ARPC1B: variants seen among roughly 807,000 people sequenced by gnomAD.
The protein encoded by ARPC1B is actin related protein 2/3 complex subunit 1B.
In ARPC1B, 29 loss-of-function variants were observed where a neutral mutation model predicts 46.0. The observed-to-expected ratio is 0.63, with a 90% CI of 0.47 to 0.86. The LOEUF is 0.86. Ranked by LOEUF, ARPC1B falls within the 40% of genes least tolerant of loss-of-function variation. ARPC1B has a pLI of 0.00. For synonymous variants in ARPC1B, 201 were observed against 213.9 expected (o/e 0.94, Z 0.53); for missense variants, 469 against 529.4 (o/e 0.89, Z 1.12).
intron 4 of ARPC1B, chr7:99,388,594 A>C (rs1584408004): frequency 4.3e-6 from 1 of 234,248 alleles, no homozygotes; most frequent in African/African-American, 2.2e-5. Flanking sequence ...TGTAGCAGTC[A>C]CTTTCTCAAG....
intron 1 of ARPC1B, among the ~76,000 whole-genome samples, chr7:99,380,042 C>T (rs543209021): frequency 6.6e-6 from 1 of 152,200 alleles, no homozygotes; most frequent in Admixed American, 6.5e-5. Context: ...ATCCCTCCCC[C>T]AGGAGCCATC....
rs769523636 is a variant in ARPC1B, at chr7:99,390,889, G to A, written c.501-4G>A. 1.3e-6 allele frequency: 2 copies of A among 1,599,570 alleles called. No homozygotes were observed. The highest frequency in any genetic ancestry group is 1.7e-6 in the Non-Finnish European group (2 of 1,169,920). Reference sequence around the variant, plus strand: ...CTTTACCTCTACTTTGCCTATCCCGGTAGGATCTTTTCAGCCTACATCAAG... The same window carrying A: ...CTTTACCTCTACTTTGCCTATCCCGATAGGATCTTTTCAGCCTACATCAAG... On this transcript the variant is annotated splice_region_variant and splice_polypyrimidine_tract_variant and intron_variant, in intron 5 of 9. Coordinates refer to ENST00000646101, the MANE Select transcript of ARPC1B (RefSeq NM_005720.4).
intron 2 of ARPC1B, among the ~76,000 whole-genome samples, chr7:99,386,143 C>T (rs1794383875): frequency 3.3e-5 from 5 of 151,280 alleles, no homozygotes; most frequent in African/African-American, 1.2e-4. Context: ...CCCAGCTACT[C>T]GGGGGGCTGA....
chr7:99,378,486 C>T (rs1006059063), intron 1 of ARPC1B, among the ~76,000 whole-genome samples: 3 of 151,698 alleles, frequency 2.0e-5, no homozygotes, highest in Non-Finnish European at 1.5e-5. Flanking sequence ...CGAGACCAGC[C>T]TGTCCAACAT....
At chr7:99,386,903 C>G in intron 3 of ARPC1B, 114 bp downstream of exon 3, 1 of 797,468 alleles carries the variant, frequency 1.3e-6, no homozygotes, top group Non-Finnish European at 2.1e-6. Flanking sequence ...ACCGTGAAAC[C>G]CGGATTCAAA....
intron 5 of ARPC1B, among the ~76,000 whole-genome samples, chr7:99,390,366 A>G (rs923078244): frequency 2.0e-4 from 30 of 150,074 alleles, no homozygotes; most frequent in African/African-American, 6.1e-4. Context: ...CCAGCTAGAC[A>G]GGATTTTTTT....
chr7:99,388,268 A>C lies in ARPC1B; in HGVS notation c.392+7A>C. On this transcript the variant is annotated splice_region_variant and intron_variant, in intron 4 of 9. Coordinates refer to ENST00000646101, the MANE Select transcript of ARPC1B (RefSeq NM_005720.4). ...TCGAGCAGGAGAATGACTGGTGGGT[A>C]CCTAGGCAGGGCCAGAGTGGGCTGT... 1 of 1,613,220 alleles carries C rather than the reference A, an allele frequency of 6.2e-7. No homozygotes were observed.
At chr7:99,387,941 C>T in intron 3 of ARPC1B, 98 bp from the exon 4 acceptor site, 1 of 787,730 alleles carries the variant, frequency 1.3e-6, no homozygotes, top group Non-Finnish European at 2.2e-6. Flanking sequence ...ACAGCTTCCA[C>T]CTGGATGGTG....
intron 2 of ARPC1B, 122 bp downstream of exon 2, chr7:99,385,900 C>T (rs1320038203): frequency 5.9e-6 from 6 of 1,020,212 alleles, no homozygotes; most frequent in Admixed American, 2.2e-5. Flanking sequence ...ATGTGGCTGT[C>T]CCCTGGCCTC....
rs2150894089 is a variant in ARPC1B, at chr7:99,388,165, C to T, written c.296C>T (p.Ala99Val). ...GTCATCCTGCGGATCAACCGGGCTG[C>T]CCGCTGCGTGCGCTGGGCCCCCAAC... is the stretch of plus-strand genomic sequence containing the variant. ...TLVILRINRA[A>V]RCVRWAPNEN... The change falls in exon 4 of 10, where the codon GCC becomes GTC. Residue 99 changes from alanine (A) to valine (V), a missense_variant. Ala to Val is a moderately conservative substitution (Grantham distance 64). Coordinates refer to ENST00000646101, the MANE Select transcript of ARPC1B (RefSeq NM_005720.4). 2 of 1,614,228 alleles carry T rather than the reference C, an allele frequency of 1.2e-6. No homozygotes were observed. Among genetic ancestry groups the T allele is most frequent in the Non-Finnish European group, 1.7e-6 (2 of 1,180,030 alleles).
At chr7:99,393,652 T>G (rs752050736) in intron 8 of ARPC1B, among the ~76,000 whole-genome samples, 9 of 152,296 alleles carry the variant, frequency 5.9e-5, no homozygotes, top group Non-Finnish European at 1.2e-4. Context: ...CCCTTCGGTC[T>G]GTAAAACCTC....
chr7:99,382,208 C>T (rs1396418006), intron 1 of ARPC1B, among the ~76,000 whole-genome samples: 2 of 151,982 alleles, frequency 1.3e-5, no homozygotes, highest in African/African-American at 2.4e-5. Context: ...GAGGCCGAGG[C>T]GGGCGGATCA....
chr7:99,380,613 GCTCTTCAAGTC>G (rs556066036), intron 1 of ARPC1B, among the ~76,000 whole-genome samples: 59 of 152,288 alleles, frequency 3.9e-4, no homozygotes, highest in African/African-American at 1.4e-3. Context: ...AGTGGTCAGG[GCTCTTCAAGTC>G]CTCTCGGTTG....
intron 2 of ARPC1B, chr7:99,386,472 G>A (rs1280674179): frequency 4.6e-6 from 3 of 647,344 alleles, no homozygotes; most frequent in Non-Finnish European, 8.6e-6. Context: ...GAGGTCCCAG[G>A]GTTCATTGCT....
intron 7 of ARPC1B, 147 bp from the exon 8 acceptor site, chr7:99,392,524 C>G: frequency 2.8e-6 from 2 of 704,652 alleles, no homozygotes; most frequent in Admixed American, 3.3e-5. Flanking sequence ...GGTTTTGATA[C>G]ACCTGCAATT....
rs1232771702 is a variant in ARPC1B, at chr7:99,389,991, G to C, written c.479G>C (p.Gly160Ala). ...WHPNNVLLAA[G>A]SCDFKCRIFS... ...CCCAACAATGTGCTGCTGGCTGCCG[G>C]CTCCTGTGACTTCAAGTGTCGGTGA... Residue 160 changes from glycine (G) to alanine (A), a missense_variant, in exon 5 of 10, where the codon GGC becomes GCC. By Grantham distance (60) the Gly-to-Ala change is moderately conservative (BLOSUM62 0). Coordinates refer to ENST00000646101, the MANE Select transcript of ARPC1B (RefSeq NM_005720.4). 4.3e-6 allele frequency: 7 copies of C among 1,613,962 alleles called. No individual in the cohort carries two copies. Among genetic ancestry groups the C allele is most frequent in the Non-Finnish European group, 5.1e-6 (6 of 1,180,008 alleles).
At position 99,392,814 on chromosome 7, in the gene ARPC1B, G is replaced by C. The variant is rs1243492715; in HGVS notation, c.927G>C (p.Ala309=). 1.3e-5 allele frequency: 20 copies of C among 1,550,210 alleles called. No individual in the cohort carries two copies. Among genetic ancestry groups the C allele is most frequent in the Non-Finnish European group, 1.7e-5 (20 of 1,146,794 alleles). Residue 309 remains alanine, a synonymous_variant, in exon 8 of 10, where the codon GCG becomes GCC. Coordinates refer to ENST00000646101, the MANE Select transcript of ARPC1B (RefSeq NM_005720.4). ...GCTTCCAGAACCTGGACAAGAAGGCGAGCTCCGAGGGTGGCACGGCTGCGG... is the reference window on the plus strand; with the variant it reads ...GCTTCCAGAACCTGGACAAGAAGGCCAGCTCCGAGGGTGGCACGGCTGCGG... ...RERFQNLDKK[A]SSEGGTAAGA... is the part of the protein sequence containing the mutation.
chr7:99,383,092 G>A (rs570479175), intron 1 of ARPC1B, among the ~76,000 whole-genome samples: 7 of 152,078 alleles, frequency 4.6e-5, no homozygotes, highest in East Asian at 3.9e-4. Flanking sequence ...TGATCCGCCC[G>A]CCTCGGCCTC....
intron 1 of ARPC1B, among the ~76,000 whole-genome samples, chr7:99,384,533 G>A (rs1045574772): frequency 3.3e-5 from 5 of 152,120 alleles, no homozygotes; most frequent in Non-Finnish European, 7.4e-5. Context: ...GGGCCACAGA[G>A]AGAGACCCTG....
Sources: allele counts gnomAD v4.1 joint callset (sites outside exome capture counted in the v4.1 genomes callset), GRCh38; gene constraint gnomAD v4.1.1; transcripts MANE v1.5; gene names NCBI Gene and HGNC (gene_info 2026-07-23, HGNC 2026-07-21).